BOLA3: variants seen among roughly 807,000 people sequenced by gnomAD.
BOLA3 encodes the protein bolA-like protein 3.
A neutral mutation model predicts 14.5 loss-of-function variants in BOLA3; 8 were observed. That is an observed-to-expected ratio of 0.55 (90% CI 0.32 to 0.99). The LOEUF (loss-of-function observed/expected upper bound fraction) is 0.99, where lower values mean the gene tolerates loss of function less well. Among genes scored for constraint, BOLA3 ranks in the 50% least tolerant of loss-of-function variants. The pLI is 0.04. For synonymous variants in BOLA3, 42 were observed against 45.7 expected (o/e 0.92, Z 0.33); for missense variants, 115 against 138.2 (o/e 0.83, Z 0.84).
intron 3 of BOLA3, among the ~76,000 whole-genome samples, chr2:74,136,983 C>T (rs1414211631): frequency 1.3e-5 from 2 of 152,160 alleles, no homozygotes; most frequent in Non-Finnish European, 2.9e-5. Flanking sequence ...GCTTGGACCG[C>T]TCAAGTTTAT....
intron 2 of BOLA3, among the ~76,000 whole-genome samples, chr2:74,142,854 A>G (rs1166293806): frequency 6.6e-6 from 1 of 152,214 alleles, no homozygotes; most frequent in African/African-American, 2.4e-5. Context: ...GACACAGCAA[A>G]CATGCTATGC....
At chr2:74,138,207 G>A (rs1186596746) in intron 3 of BOLA3, among the ~76,000 whole-genome samples, 1 of 152,248 alleles carries the variant, frequency 6.6e-6, no homozygotes, top group Non-Finnish European at 1.5e-5. Flanking sequence ...GAAGTGACTT[G>A]GCCGAAGTCC....
At chr2:74,140,532 G>A (rs1204521439) in intron 3 of BOLA3, among the ~76,000 whole-genome samples, 1 of 152,156 alleles carries the variant, frequency 6.6e-6, no homozygotes, top group African/African-American at 2.4e-5. Context: ...TTTCGAGGGG[G>A]AATGAAAGAC....
intron 3 of BOLA3, among the ~76,000 whole-genome samples, chr2:74,139,440 G>A (rs1692396471): frequency 6.6e-6 from 1 of 151,728 alleles, no homozygotes; most frequent in Non-Finnish European, 1.5e-5. Context: ...CCTGGGAGTG[G>A]AGTCCAGTTA....
At chr2:74,137,010 G>A (rs1160286038) in intron 3 of BOLA3, among the ~76,000 whole-genome samples, 1 of 152,020 alleles carries the variant, frequency 6.6e-6, no homozygotes, top group East Asian at 1.9e-4. Flanking sequence ...TACAGAGGAA[G>A]AAATAAGGTC....
chr2:74,147,469 C>G (rs1692567180), intron 1 of BOLA3: 1 of 328,826 alleles, frequency 3.0e-6, no homozygotes, highest in Admixed American at 5.3e-5. Context: ...CCCTCGCACC[C>G]ACGCCTTGAC....
intron 3 of BOLA3, among the ~76,000 whole-genome samples, chr2:74,140,581 G>A (rs1316286872): frequency 6.6e-6 from 1 of 152,134 alleles, no homozygotes; most frequent in Non-Finnish European, 1.5e-5. Flanking sequence ...GTGAGGAGAG[G>A]CACATGTTGC....
intron 3 of BOLA3, among the ~76,000 whole-genome samples, chr2:74,141,642 G>A (rs1692440192): frequency 6.6e-6 from 1 of 152,186 alleles, no homozygotes; most frequent in Non-Finnish European, 1.5e-5. Context: ...CATTACCAGT[G>A]CTGTGCTTTA....
chr2:74,141,022 C>T (rs1407047525), intron 3 of BOLA3, among the ~76,000 whole-genome samples: 1 of 152,256 alleles, frequency 6.6e-6, no homozygotes, highest in African/African-American at 2.4e-5. Context: ...GGTCCAGTCA[C>T]ACCAGGTGGC....
chr2:74,144,832 G>C (rs1692514737), intron 2 of BOLA3, among the ~76,000 whole-genome samples: 1 of 152,184 alleles, frequency 6.6e-6, no homozygotes, highest in African/African-American at 2.4e-5. Context: ...CTCCAGCTCT[G>C]ATATCCTAGG....
rs1483701272 is a variant in BOLA3 at position 74,138,210 on chromosome 2, C to T, written c.259-2552G>A. Reference sequence around the variant, plus strand: ...GCCCTGCTGGGGGAAGTGACTTGGCCGAAGTCCCATGGGTAATAAGATGCA... The same window carrying T: ...GCCCTGCTGGGGGAAGTGACTTGGCTGAAGTCCCATGGGTAATAAGATGCA... On this transcript the variant is annotated intron_variant, in intron 3 of 3. Coordinates refer to ENST00000327428, the MANE Select transcript of BOLA3 (RefSeq NM_212552.3). 2.6e-5 allele frequency among the ~76,000 whole-genome samples: 4 copies of T among 152,198 alleles called. No individual in the cohort carries two copies. In the East Asian group the frequency reaches 5.8e-4, roughly 22 times the overall value.
intron 3 of BOLA3, 139 bp downstream of exon 3, chr2:74,142,133 C>G (rs960161350): frequency 4.4e-6 from 3 of 683,614 alleles, no homozygotes; most frequent in Non-Finnish European, 7.8e-6. Flanking sequence ...CGATTTTTCT[C>G]AGGTCTTGAG....
intron 3 of BOLA3, among the ~76,000 whole-genome samples, chr2:74,137,047 A>T (rs1692345773): frequency 6.6e-6 from 1 of 152,244 alleles, no homozygotes; most frequent in South Asian, 2.1e-4. Flanking sequence ...AAATCTGATA[A>T]TCATACTAGA....
rs769219293 is a variant in BOLA3 at position 74,135,620 on chromosome 2, C to T, written c.297G>A (p.Arg99=). ...KEEIKEMHGL[R]IFTSVPKR is the part of the protein sequence containing the mutation. ...AGCGTTTGGGGACAGAGGTAAATAT[C>T]CGCAATCCATGCATCTCTTTGATTT... is the stretch of plus-strand genomic sequence containing the variant. Residue 99 remains arginine, a synonymous_variant, in exon 4 of 4, where the codon CGG becomes CGA. Transcript: ENST00000327428. 1.9e-5 allele frequency: 31 copies of T among 1,614,118 alleles called. No individual in the cohort carries two copies. Among genetic ancestry groups the T allele is most frequent in the Non-Finnish European group, 2.5e-5 (30 of 1,179,992 alleles).
chr2:74,136,605 A>G (rs1417471558), intron 3 of BOLA3, among the ~76,000 whole-genome samples: 2 of 152,152 alleles, frequency 1.3e-5, no homozygotes, highest in Admixed American at 1.3e-4. Flanking sequence ...CCAAACATCT[A>G]TCTTGGAGAT....
chr2:74,138,862 G>A (rs748531945), intron 3 of BOLA3, among the ~76,000 whole-genome samples: 1 of 152,080 alleles, frequency 6.6e-6, no homozygotes, highest in Non-Finnish European at 1.5e-5. Context: ...GCCAATATGA[G>A]GCTCAAATCT....
At chr2:74,141,050 T>A (rs1460971456) in intron 3 of BOLA3, among the ~76,000 whole-genome samples, 1 of 152,190 alleles carries the variant, frequency 6.6e-6, no homozygotes, top group Non-Finnish European at 1.5e-5. Context: ...GATCTGAGAA[T>A]AAAACCCAAA....
At chr2:74,142,456 A>C (rs1356309787) in intron 2 of BOLA3, 96 bp from the exon 3 acceptor site, 67 of 954,400 alleles carry the variant, frequency 7.0e-5, no homozygotes, top group Non-Finnish European at 1.0e-4. Context: ...AAAGGTCTGA[A>C]TATTATCATT....
At chr2:74,145,689 G>T (rs1692530408) in intron 1 of BOLA3, 5 of 309,196 alleles carry the variant, frequency 1.6e-5, no homozygotes, top group Non-Finnish European at 3.2e-5. Flanking sequence ...TACAGAGCCA[G>T]AAAAGCTGGA....
Sources: allele counts gnomAD v4.1 joint callset (sites outside exome capture counted in the v4.1 genomes callset), GRCh38; gene constraint gnomAD v4.1.1; transcripts MANE v1.5; gene names NCBI Gene and HGNC (gene_info 2026-07-23, HGNC 2026-07-21).